DNAJC13: variants seen among roughly 807,000 people sequenced by gnomAD.
DNAJC13 encodes the protein dnaJ homolog subfamily C member 13.
In DNAJC13, 75 loss-of-function variants were observed where a neutral mutation model predicts 290.5. The observed-to-expected ratio is 0.26, with a 90% confidence interval of 0.21 to 0.31. The LOEUF is 0.31. DNAJC13 is among the 10% of genes least tolerant of loss of function. DNAJC13 has a pLI of 1.00. For missense variants in DNAJC13, 2,260 were observed against 2,674.5 expected (o/e 0.85, Z 3.42); for synonymous variants, 862 against 892.0 (o/e 0.97, Z 0.60).
chr3:132,505,186 C>T, intron 41 of DNAJC13, 116 bp from the exon 42 acceptor site: 1 of 638,752 alleles, frequency 1.6e-6, no homozygotes, highest in Non-Finnish European at 2.8e-6. Flanking sequence ...TTATTGAGGT[C>T]CATTATACTA....
chr3:132,462,032 C>T (rs1482188792), intron 15 of DNAJC13, among the ~76,000 whole-genome samples: 1 of 152,048 alleles, frequency 6.6e-6, no homozygotes, highest in Non-Finnish European at 1.5e-5. Flanking sequence ...CTGTGGTAGG[C>T]CCAAAGTTCC....
chr3:132,468,512 A>G (rs2107680416), intron 20 of DNAJC13, among the ~76,000 whole-genome samples: 1 of 152,310 alleles, frequency 6.6e-6, no homozygotes, highest in Non-Finnish European at 1.5e-5. Context: ...ATAAAGAATC[A>G]TTAGGCTTTC....
rs543609900 is a variant in DNAJC13, at chr3:132,490,634, G to A, written c.3469-263G>A. Among the ~76,000 whole-genome samples, 17 of 152,248 alleles carry A rather than the reference G, an allele frequency of 1.1e-4. No homozygotes were observed. In the East Asian group the frequency reaches 3.3e-3, roughly 29 times the overall value. On this transcript the variant is annotated intron_variant, in intron 31 of 55. Transcript: ENST00000260818. ...AGGCCAGTCGTCCTAAATAATATTGGCAGCTTGTGACACTTAAAGCTAAGA... is the reference window on the plus strand; with the variant it reads ...AGGCCAGTCGTCCTAAATAATATTGACAGCTTGTGACACTTAAAGCTAAGA...
At chr3:132,511,286 A>C in intron 44 of DNAJC13, 42 bp downstream of exon 44, 1 of 1,576,198 alleles carries the variant, frequency 6.3e-7, no homozygotes, top group Non-Finnish European at 8.6e-7. Context: ...CGTATAATAC[A>C]GGAGCCCTAA....
At chr3:132,529,680 G>C (rs1382645611) in intron 54 of DNAJC13, among the ~76,000 whole-genome samples, 1 of 151,824 alleles carries the variant, frequency 6.6e-6, no homozygotes, top group Non-Finnish European at 1.5e-5. Flanking sequence ...CCATCTACTC[G>C]GGAGGCTGAG....
Position 132,483,369 on chromosome 3 carries a change from C to A in DNAJC13, c.2980-6C>A. ...TCTGTTTGTAATAATGCCTTCCATCCATTAGATGCAAGAATTGTGGACCAA... is the reference window on the plus strand; with the variant it reads ...TCTGTTTGTAATAATGCCTTCCATCAATTAGATGCAAGAATTGTGGACCAA... On this transcript the variant is annotated splice_region_variant and splice_polypyrimidine_tract_variant and intron_variant, in intron 27 of 55. Coordinates refer to ENST00000260818, the MANE Select transcript of DNAJC13 (RefSeq NM_015268.4). 1 of 1,612,382 alleles carries A rather than the reference C, an allele frequency of 6.2e-7. No individual in the cohort carries two copies.
intron 29 of DNAJC13, 26 bp from the exon 30 acceptor site, chr3:132,488,272 A>C (rs1173453554): frequency 6.4e-7 from 1 of 1,565,856 alleles, no homozygotes; most frequent in Non-Finnish European, 8.6e-7. Context: ...TTACAACCCA[A>C]TAAAAACATT....
At position 132,478,326 on chromosome 3, in the gene DNAJC13, T is replaced by TACAA. The variant is rs1334976436; in HGVS notation, c.2709+186_2709+187insACAA. On this transcript the variant is annotated intron_variant, in intron 24 of 55. Transcript: ENST00000260818. ...TAGGAAAATGAATAATGGGTTAGAA[T>TACAA]TTGTCCATGTCACTTTATGTGTTTC... Among the ~76,000 whole-genome samples, 51 of 152,356 alleles carry TACAA rather than the reference T, an allele frequency of 3.3e-4. 1 individual carries two copies. In the South Asian group the frequency reaches 4.1e-3, roughly 12 times the overall value.
chr3:132,470,592 C>A (rs1471252599), intron 20 of DNAJC13, among the ~76,000 whole-genome samples: 1 of 138,388 alleles, frequency 7.2e-6, no homozygotes, highest in African/African-American at 2.8e-5. Flanking sequence ...ACCTCCCGGA[C>A]GGGGCGGCTG....
chr3:132,496,485 C>T (rs577422769), intron 35 of DNAJC13, 43 bp from the exon 36 acceptor site: 33 of 1,493,858 alleles, frequency 2.2e-5, no homozygotes, highest in African/African-American at 4.3e-5. Flanking sequence ...TTGAATTTTG[C>T]GACATTCCAA....
At chr3:132,429,610 C>T (rs1276566572) in intron 1 of DNAJC13, among the ~76,000 whole-genome samples, 1 of 152,116 alleles carries the variant, frequency 6.6e-6, no homozygotes, top group Non-Finnish European at 1.5e-5. Flanking sequence ...ATTAGAGTCA[C>T]CTTGCTTCCC....
intron 36 of DNAJC13, among the ~76,000 whole-genome samples, chr3:132,498,877 G>A (rs1222153354): frequency 1.3e-5 from 2 of 151,702 alleles, no homozygotes; most frequent in African/African-American, 2.4e-5. Context: ...CACCACACCC[G>A]GCTAACTTTT....
intron 22 of DNAJC13, 60 bp downstream of exon 22, chr3:132,475,145 A>T (rs1163246796): frequency 1.5e-6 from 2 of 1,332,330 alleles, no homozygotes; most frequent in East Asian, 5.2e-5. Context: ...CTATTTGGGG[A>T]GTGATTTTTT....
At position 132,466,671 on chromosome 3, in the gene DNAJC13, G is replaced by C. The variant is rs370107919; in HGVS notation, c.2064+277G>C. ...TAGTGGTCATTTTATTCTGTGTTTT[G>C]TTTCTCTAATTCAACTTATTGGTAC... On this transcript the variant is annotated intron_variant, in intron 19 of 55. Coordinates refer to ENST00000260818, the MANE Select transcript of DNAJC13 (RefSeq NM_015268.4). 3.3e-5 allele frequency among the ~76,000 whole-genome samples: 5 copies of C among 152,234 alleles called. No homozygotes were observed. The East Asian group carries it at 7.7e-4, about 24-fold the overall frequency.
At chr3:132,421,599 T>A (rs1301923315) in intron 1 of DNAJC13, among the ~76,000 whole-genome samples, 2 of 139,038 alleles carry the variant, frequency 1.4e-5, no homozygotes, top group South Asian at 4.3e-4. Flanking sequence ...GCTGGGCTGA[T>A]TTTTTTTTTT....
Position 132,496,596 on chromosome 3 carries a change from G to A in DNAJC13, c.4089G>A (p.Gly1363=), listed in dbSNP as rs141979979. ...LCTKSAKIVD[G]PDPENIILIL... Reference sequence around the variant, plus strand: ...CCAAATCAGCAAAAATAGTGGATGGGCCAGATCCAGAGAATATAATTTTAA... The same window carrying A: ...CCAAATCAGCAAAAATAGTGGATGGACCAGATCCAGAGAATATAATTTTAA... The change falls in exon 36 of 56, where the codon GGG becomes GGA. Residue 1363 remains glycine, a synonymous_variant. Coordinates refer to ENST00000260818, the MANE Select transcript of DNAJC13 (RefSeq NM_015268.4). 79 of 1,611,246 alleles carry A rather than the reference G, an allele frequency of 4.9e-5. No individual in the cohort carries two copies. Among genetic ancestry groups the A allele is most frequent in the African/African-American group, 9.4e-5 (7 of 74,786 alleles).
chr3:132,499,642 T>G, intron 37 of DNAJC13, 92 bp from the exon 38 acceptor site: 1 of 1,066,356 alleles, frequency 9.4e-7, no homozygotes, highest in East Asian at 2.4e-5. Context: ...TATTTAACAT[T>G]AAAGGGTTAT....
intron 43 of DNAJC13, 84 bp from the exon 44 acceptor site, chr3:132,510,983 T>A: frequency 6.9e-7 from 1 of 1,457,190 alleles, no homozygotes; most frequent in Non-Finnish European, 9.4e-7. Flanking sequence ...TTTATTCACT[T>A]TCATAGCTTA....
In DNAJC13 at chr3:132,516,762, C is replaced by T; in HGVS notation, c.5619C>T (p.Ala1873=). ...FCNSTHPQVR[A]QTAELFAKMT... ...ATTCAACACATCCACAGGTTCGAGC[C>T]CAAACAGCAGAACTTTTTGCCAAAA... Residue 1873 remains alanine (A), a synonymous_variant, in exon 48 of 56, where the codon GCC becomes GCT. Coordinates refer to ENST00000260818, the MANE Select transcript of DNAJC13 (RefSeq NM_015268.4). 1 of 1,613,456 alleles carries T rather than the reference C, an allele frequency of 6.2e-7. No homozygotes were observed. Among genetic ancestry groups the T allele is most frequent in the Non-Finnish European group, 8.5e-7 (1 of 1,179,650 alleles).
Sources: gnomAD v4.1 joint callset for allele counts (sites outside exome capture counted in the v4.1 genomes callset) on GRCh38, gnomAD v4.1.1 for gene constraint, MANE v1.5 for transcripts, NCBI Gene and HGNC (gene_info 2026-07-23, HGNC 2026-07-21) for gene names.